Variants in PDE8A observed in about 807,000 individuals in gnomAD.
PDE8A encodes the protein phosphodiesterase 8A.
A neutral mutation model predicts 105.0 loss-of-function variants in PDE8A; 59 were observed. The ratio of observed to expected loss-of-function variants is 0.56; its 90% confidence interval spans 0.46 to 0.70. The LOEUF is 0.70. PDE8A is among the 30% of genes least tolerant of loss of function. The pLI is 0.00. For synonymous variants in PDE8A, 355 were observed against 371.9 expected (o/e 0.95, Z 0.52); for missense variants, 1,014 against 1,045.9 (o/e 0.97, Z 0.42).
At chr15:85,036,513 T>C (rs1034007201) in intron 1 of PDE8A, among the ~76,000 whole-genome samples, 1 of 152,252 alleles carries the variant, frequency 6.6e-6, no homozygotes, top group East Asian at 1.9e-4. Context: ...ACATTAGTGC[T>C]CAGAGAGTAA....
At chr15:85,048,574 G>A (rs1422768197) in intron 1 of PDE8A, among the ~76,000 whole-genome samples, 1 of 152,138 alleles carries the variant, frequency 6.6e-6, no homozygotes, top group Non-Finnish European at 1.5e-5. Flanking sequence ...TCTTCTTCCT[G>A]TCATTTTCTT....
At chr15:85,113,535 C>T (rs544463414) in intron 13 of PDE8A, 88 bp downstream of exon 13, 18 of 1,122,722 alleles carry the variant, frequency 1.6e-5, no homozygotes, top group East Asian at 7.0e-5. Flanking sequence ...AACAGGGACC[C>T]GCAGTAATGA....
chr15:85,131,209 A>T (rs1770508620), intron 20 of PDE8A, among the ~76,000 whole-genome samples: 1 of 152,194 alleles, frequency 6.6e-6, no homozygotes, highest in African/African-American at 2.4e-5. Flanking sequence ...TGTAGATAGA[A>T]TGTAGTTGGA....
chr15:85,030,706 T>C (rs74990747), intron 1 of PDE8A, among the ~76,000 whole-genome samples: 3 of 31,684 alleles, frequency 9.5e-5, no homozygotes, highest in Non-Finnish European at 2.3e-4. Context: ...TTCCATGCCT[T>C]TTTGCACATA....
chr15:85,095,506 G>A (rs1223044154), intron 8 of PDE8A, among the ~76,000 whole-genome samples: 1 of 151,918 alleles, frequency 6.6e-6, no homozygotes, highest in African/African-American at 2.4e-5. Flanking sequence ...AGCACGCCTG[G>A]CTAATTTTTG....
intron 3 of PDE8A, among the ~76,000 whole-genome samples, chr15:85,071,179 A>G (rs895137677): frequency 1.8e-4 from 27 of 151,894 alleles, no homozygotes; most frequent in Non-Finnish European, 3.1e-4. Flanking sequence ...CAAGCACTTC[A>G]GTCTTTGAAG....
chr15:85,094,005 G>A (rs1161552499), intron 8 of PDE8A, among the ~76,000 whole-genome samples: 3 of 152,090 alleles, frequency 2.0e-5, no homozygotes, highest in Non-Finnish European at 2.9e-5. Context: ...GACCACACGT[G>A]TCTACCATCA....
chr15:85,069,428 AC>A (rs1396049076), intron 3 of PDE8A, among the ~76,000 whole-genome samples: 1 of 152,196 alleles, frequency 6.6e-6, no homozygotes, highest in Non-Finnish European at 1.5e-5. Flanking sequence ...GATTGCTAGA[AC>A]AGAGCTATTA....
At chr15:85,067,708 T>C (rs12903145) in intron 3 of PDE8A, among the ~76,000 whole-genome samples, 83,350 of 152,044 alleles carry the variant, frequency 0.55, 24,309 homozygotes, top group African/African-American at 0.77. Flanking sequence ...GACATATTAA[T>C]TTTAAGGACA....
At chr15:85,026,987 T>A (rs780154152) in intron 1 of PDE8A, among the ~76,000 whole-genome samples, 1 of 152,160 alleles carries the variant, frequency 6.6e-6, no homozygotes, top group Non-Finnish European at 1.5e-5. Context: ...TCTAATTTGG[T>A]TTATGAACAC....
chr15:85,115,378 T>C (rs2082079697), intron 14 of PDE8A, 61 bp from the exon 15 acceptor site: 2 of 1,133,432 alleles, frequency 1.8e-6, no homozygotes, highest in Non-Finnish European at 2.6e-6. Context: ...CCACCTGGAG[T>C]TTCCAGGAAG....
chr15:85,038,829 G>A (rs1215268990), intron 1 of PDE8A, among the ~76,000 whole-genome samples: 1 of 152,148 alleles, frequency 6.6e-6, no homozygotes, highest in Admixed American at 6.5e-5. Context: ...TATCAAAAAG[G>A]TGAAAGATAA....
chr15:85,087,999 G>A (rs2081581806), intron 6 of PDE8A, among the ~76,000 whole-genome samples: 1 of 152,166 alleles, frequency 6.6e-6, no homozygotes, highest in African/African-American at 2.4e-5. Context: ...AAGGATTTTA[G>A]TATATTCATA....
At chr15:85,012,883 A>G (rs1051482918) in intron 1 of PDE8A, among the ~76,000 whole-genome samples, 5 of 152,230 alleles carry the variant, frequency 3.3e-5, no homozygotes, top group Non-Finnish European at 7.3e-5. Context: ...GAAATATAAT[A>G]TTATATTGGC....
At chr15:85,085,010 G>A (rs969942421) in intron 6 of PDE8A, among the ~76,000 whole-genome samples, 1 of 152,170 alleles carries the variant, frequency 6.6e-6, no homozygotes, top group African/African-American at 2.4e-5. Context: ...CCACCAGTTA[G>A]TCTCCCTATG....
At chr15:85,111,277 T>G (rs1009497062) in intron 12 of PDE8A, among the ~76,000 whole-genome samples, 2 of 152,218 alleles carry the variant, frequency 1.3e-5, no homozygotes, top group Non-Finnish European at 2.9e-5. Flanking sequence ...TATGTCCTAT[T>G]TAAGAAATCG....
intron 1 of PDE8A, among the ~76,000 whole-genome samples, chr15:85,015,722 C>G (rs1440767497): frequency 2.0e-5 from 3 of 152,150 alleles, no homozygotes; most frequent in Admixed American, 2.0e-4. Context: ...TTTTTGTTAA[C>G]TATCTGTCCA....
intron 1 of PDE8A, among the ~76,000 whole-genome samples, chr15:85,060,706 G>A (rs1220217959): frequency 7.2e-5 from 11 of 152,012 alleles, no homozygotes; most frequent in African/African-American, 2.7e-4. Context: ...GAAATAAAAT[G>A]CAAAATGTAG....
At chr15:85,083,838 G>C (rs1463773257) in intron 6 of PDE8A, among the ~76,000 whole-genome samples, 194 bp downstream of exon 6, 1 of 152,266 alleles carries the variant, frequency 6.6e-6, no homozygotes, top group South Asian at 2.1e-4. Context: ...TTAGTGATTA[G>C]AGACTCACAT....
Sources: gnomAD v4.1 joint callset for allele counts (sites outside exome capture counted in the v4.1 genomes callset) on GRCh38, gnomAD v4.1.1 for gene constraint, MANE v1.5 for transcripts, NCBI Gene and HGNC (gene_info 2026-07-23, HGNC 2026-07-21) for gene names.